ADGRA3: variants seen among roughly 807,000 people sequenced by gnomAD.
ADGRA3 encodes the protein adhesion G protein-coupled receptor A3.
In ADGRA3, 56 loss-of-function variants were observed where a neutral mutation model predicts 119.8. That is an observed-to-expected ratio of 0.47 (90% CI 0.38 to 0.58). The LOEUF (loss-of-function observed/expected upper bound fraction) is 0.58. Ranked by LOEUF, ADGRA3 falls within the 20% of genes least tolerant of loss-of-function variation. The pLI is 0.00. For synonymous variants in ADGRA3, 607 were observed against 623.8 expected (o/e 0.97, Z 0.40); for missense variants, 1,516 against 1,649.0 (o/e 0.92, Z 1.40).
chr4:22,466,712 CA>C (rs35298977), intron 2 of ADGRA3, among the ~76,000 whole-genome samples: 2 of 147,324 alleles, frequency 1.4e-5, no homozygotes, highest in Non-Finnish European at 1.5e-5. Context: ...GACTCCGTCT[CA>C]AAAAAAAAAA....
intron 2 of ADGRA3, among the ~76,000 whole-genome samples, chr4:22,466,309 C>A (rs1717655177): frequency 6.6e-6 from 1 of 152,176 alleles, no homozygotes; most frequent in South Asian, 2.1e-4. Flanking sequence ...CACCTCTAGA[C>A]CTCTGCACTT....
At chr4:22,441,130 G>A (rs1043694014) in intron 7 of ADGRA3, among the ~76,000 whole-genome samples, 2 of 152,038 alleles carry the variant, frequency 1.3e-5, no homozygotes, top group African/African-American at 4.8e-5. Context: ...CCCAAGGGTA[G>A]GCCTCACTCA....
intron 12 of ADGRA3, among the ~76,000 whole-genome samples, chr4:22,418,741 C>A (rs574933532): frequency 1.3e-5 from 2 of 152,138 alleles, no homozygotes; most frequent in South Asian, 4.2e-4. Context: ...TGAAATGGCA[C>A]AGGCATTGAC....
chr4:22,398,593 A>T lies in ADGRA3; in HGVS notation c.2481+2838T>A, dbSNP rs377243877. Among the ~76,000 whole-genome samples, 89 of 151,908 alleles carry T rather than the reference A, an allele frequency of 5.9e-4. 1 individual carries two copies. The highest frequency in any genetic ancestry group is 1.9e-3 in the African/African-American group (78 of 41,424). ...TCTCTTTTATAGTTTTATTGCACCT[A>T]TTTTTTGTTAAAGTGGGCTGTTTAT... On this transcript the variant is annotated intron_variant, in intron 16 of 18. Coordinates refer to ENST00000334304, the MANE Select transcript of ADGRA3 (RefSeq NM_145290.4).
At chr4:22,500,806 A>T (rs1368628195) in intron 1 of ADGRA3, among the ~76,000 whole-genome samples, 3 of 152,132 alleles carry the variant, frequency 2.0e-5, no homozygotes, top group Admixed American at 2.0e-4. Flanking sequence ...AAAGTAGATG[A>T]TCCTCCCTAA....
At chr4:22,455,024 G>T in intron 3 of ADGRA3, 87 bp from the exon 4 acceptor site, 1 of 873,918 alleles carries the variant, frequency 1.1e-6, no homozygotes, top group East Asian at 2.5e-5. Flanking sequence ...ACAGCACCCA[G>T]GTATCGCACA....
At chr4:22,481,529 C>T (rs1017945673) in intron 1 of ADGRA3, among the ~76,000 whole-genome samples, 3 of 152,144 alleles carry the variant, frequency 2.0e-5, no homozygotes, top group South Asian at 2.1e-4. Context: ...AATTTCAATG[C>T]CCTTAAAGGT....
At chr4:22,421,301 G>A (rs543312223) in intron 11 of ADGRA3, among the ~76,000 whole-genome samples, 58 of 149,940 alleles carry the variant, frequency 3.9e-4, no homozygotes, top group Non-Finnish European at 7.1e-4. Flanking sequence ...AAAATGGAAG[G>A]GAGACCAAAA....
chr4:22,481,361 C>T (rs2109134099), intron 1 of ADGRA3, among the ~76,000 whole-genome samples: 1 of 152,256 alleles, frequency 6.6e-6, no homozygotes, highest in East Asian at 1.9e-4. Context: ...TGGTGACTCC[C>T]AACATTCTTC....
intron 4 of ADGRA3, among the ~76,000 whole-genome samples, chr4:22,448,705 T>C (rs898059540): frequency 2.0e-5 from 3 of 152,198 alleles, no homozygotes; most frequent in East Asian, 1.9e-4. Flanking sequence ...GCCAACACTT[T>C]ACAAATTAAC....
intron 3 of ADGRA3, among the ~76,000 whole-genome samples, chr4:22,458,893 GC>G (rs1308612704): frequency 3.3e-4 from 50 of 152,254 alleles, no homozygotes; most frequent in African/African-American, 1.2e-3. Flanking sequence ...CCTCCAGATG[GC>G]CCTGAGTTTC....
intron 1 of ADGRA3, among the ~76,000 whole-genome samples, chr4:22,509,042 C>A (rs114292069): frequency 1.0e-3 from 154 of 152,224 alleles, no homozygotes; most frequent in African/African-American, 3.6e-3. Context: ...TGAACCCCTA[C>A]CCACTCCAGA....
Position 22,420,872 on chromosome 4 carries a change from A to G in ADGRA3, c.1809+14T>C. On this transcript the variant is annotated intron_variant, in intron 12 of 18. Transcript: ENST00000334304. ...ACTGTAAATAGTCTTAAATGATTGC[A>G]GAATGTAACATACCTTTAGTGCCAG... 6.2e-7 allele frequency: 1 copy of G among 1,606,560 alleles called. No individual in the cohort carries two copies. The highest frequency in any genetic ancestry group is 8.5e-7 in the Non-Finnish European group (1 of 1,173,054).
At chr4:22,466,171 C>A (rs958950278) in intron 2 of ADGRA3, among the ~76,000 whole-genome samples, 1 of 152,206 alleles carries the variant, frequency 6.6e-6, no homozygotes, top group African/African-American at 2.4e-5. Context: ...GTGGTCCCAG[C>A]CTTGCCCACC....
Position 22,388,453 on chromosome 4 carries a change from T to G in ADGRA3, c.3218A>C (p.Asn1073Thr), listed in dbSNP as rs779087301. 6.2e-7 allele frequency: 1 copy of G among 1,614,102 alleles called. No homozygotes were observed. The highest frequency in any genetic ancestry group is 8.5e-7 in the Non-Finnish European group (1 of 1,179,998). Residue 1073 changes from asparagine to threonine, a missense_variant, in exon 19 of 19, where the codon AAC becomes ACC. Asn to Thr is a moderately conservative substitution (Grantham distance 65). This residue lies in a region of ADGRA3 where 1,088 missense variants were observed against 1,107.1 expected (regional missense o/e 0.98). Coordinates refer to ENST00000334304, the MANE Select transcript of ADGRA3 (RefSeq NM_145290.4). ...CCCATTAGAGTTGGGGGGCTGGACG[T>G]TGACTTGCACTGAATACGAGCTCCG... ...PGRSSYSVQV[N>T]VQPPNSNGTN...
At chr4:22,457,329 TGTTAA>T (rs1344102861) in intron 3 of ADGRA3, among the ~76,000 whole-genome samples, 1 of 152,204 alleles carries the variant, frequency 6.6e-6, no homozygotes, top group Non-Finnish European at 1.5e-5. Flanking sequence ...TATGTGTTCT[TGTTAA>T]GGGAGATGCA....
chr4:22,415,019 C>T (rs1456104512), intron 12 of ADGRA3, among the ~76,000 whole-genome samples: 1 of 151,384 alleles, frequency 6.6e-6, no homozygotes, highest in East Asian at 1.9e-4. Context: ...TTCAGATTAG[C>T]TGCTTCCTCT....
intron 6 of ADGRA3, among the ~76,000 whole-genome samples, chr4:22,443,385 TA>T (rs1716700832): frequency 6.6e-6 from 1 of 152,070 alleles, no homozygotes; most frequent in African/African-American, 2.4e-5. Context: ...GTCAGAAAAA[TA>T]AAATATTTTA....
At chr4:22,462,591 A>G (rs1717506494) in intron 2 of ADGRA3, among the ~76,000 whole-genome samples, 1 of 152,206 alleles carries the variant, frequency 6.6e-6, no homozygotes, top group Non-Finnish European at 1.5e-5. Flanking sequence ...CTGGGATTAC[A>G]GGCATGAGCC....
Sources: gnomAD v4.1 joint callset for allele counts (sites outside exome capture counted in the v4.1 genomes callset) on GRCh38, gnomAD v4.1.1 for gene constraint, gnomAD v4.1.1 regional missense constraint, MANE v1.5 for transcripts, NCBI Gene and HGNC (gene_info 2026-07-23, HGNC 2026-07-21) for gene names.